Variants in RHOU observed in about 807,000 individuals in gnomAD.
RHOU encodes ras homolog family member U.
In RHOU, 8 loss-of-function variants were observed where a neutral mutation model predicts 12.6. That is an observed-to-expected ratio of 0.64 (90% confidence interval 0.37 to 1.15). RHOU has a LOEUF of 1.15. RHOU is among the 50% of genes most tolerant of loss of function. The pLI is 0.01. For synonymous variants in RHOU, 161 were observed against 147.4 expected, an observed-to-expected ratio of 1.09 and a Z score of -0.67; for missense variants, 258 against 347.0, an observed-to-expected ratio of 0.74 and a Z score of 2.04.
At chr1:228,683,492 A>G in the RHOU span, among the ~76,000 whole-genome samples, 1 of 152,222 alleles carries the variant, frequency 6.6e-6, no homozygotes, top group African/African-American at 2.4e-5. Context: ...TGATGTTGGA[A>G]CAACAAATTT....
chr1:228,680,041 C>T, the RHOU span, among the ~76,000 whole-genome samples: 3 of 152,212 alleles, frequency 2.0e-5, no homozygotes, highest in African/African-American at 7.2e-5. Flanking sequence ...GTTAAGAAGC[C>T]TGGCTGTCAT....
At chr1:228,678,886 G>A in the RHOU span, among the ~76,000 whole-genome samples, 4 of 152,070 alleles carry the variant, frequency 2.6e-5, no homozygotes, top group African/African-American at 7.2e-5. Context: ...GCCACCCCAC[G>A]CAGACATGAG....
intron 2 of RHOU, among the ~76,000 whole-genome samples, chr1:228,742,971 A>G (rs2102719154): frequency 6.6e-6 from 1 of 152,332 alleles, no homozygotes; most frequent in East Asian, 1.9e-4. Context: ...TTTTATTTCT[A>G]GAACCCACCT....
the RHOU span, among the ~76,000 whole-genome samples, chr1:228,723,102 TA>T: frequency 5.3e-4 from 80 of 152,320 alleles, no homozygotes; most frequent in African/African-American, 1.9e-3. Flanking sequence ...CAGCCTGAGT[TA>T]GATGATGCTA....
At chr1:228,647,782 G>A in the RHOU span, 1 of 152,382 alleles carries the variant, frequency 6.6e-6, no homozygotes, top group East Asian at 1.9e-4. Flanking sequence ...TGTGCTGCAG[G>A]TTAGCCCACA....
chr1:228,712,858 A>T, the RHOU span, among the ~76,000 whole-genome samples: 1 of 104,774 alleles, frequency 9.5e-6, no homozygotes, highest in Non-Finnish European at 1.8e-5. Flanking sequence ...AAAATAAAAT[A>T]AAATAAAATA....
At chr1:228,647,440 G>A in the RHOU span, among the ~76,000 whole-genome samples, 1 of 152,202 alleles carries the variant, frequency 6.6e-6, no homozygotes, top group Non-Finnish European at 1.5e-5. Context: ...CGGGGCAATA[G>A]GAATCCGGGT....
At chr1:228,647,348 T>G in the RHOU span, among the ~76,000 whole-genome samples, 425 of 152,278 alleles carry the variant, frequency 2.8e-3, 3 homozygotes, top group Middle Eastern at 0.024. Flanking sequence ...GCGCCCGCCC[T>G]TTTGGCGGGA....
chr1:228,687,691 T>C, the RHOU span: 1 of 1,483,584 alleles, frequency 6.7e-7, no homozygotes. Flanking sequence ...ACACATTACC[T>C]GAATAAGCAG....
At chr1:228,675,672 T>A in the RHOU span, among the ~76,000 whole-genome samples, 1 of 152,260 alleles carries the variant, frequency 6.6e-6, no homozygotes, top group Admixed American at 6.5e-5. Flanking sequence ...CAGATTTTTC[T>A]GTAATTTAAT....
At chr1:228,684,301 T>C in the RHOU span, among the ~76,000 whole-genome samples, 1 of 150,430 alleles carries the variant, frequency 6.6e-6, no homozygotes, top group South Asian at 2.1e-4. Flanking sequence ...CCTCCCACTG[T>C]GCTGAGATTA....
the RHOU span, among the ~76,000 whole-genome samples, chr1:228,693,934 T>C: frequency 6.6e-6 from 1 of 152,234 alleles, no homozygotes; most frequent in South Asian, 2.1e-4. Flanking sequence ...AGAACAAACT[T>C]TTCTATCAAA....
the RHOU span, among the ~76,000 whole-genome samples, chr1:228,708,921 G>A: frequency 6.6e-6 from 1 of 152,128 alleles, no homozygotes; most frequent in Non-Finnish European, 1.5e-5. Context: ...CCCATCTCAT[G>A]GGCAGAGACA....
chr1:228,675,347 C>A, the RHOU span, among the ~76,000 whole-genome samples: 119 of 151,636 alleles, frequency 7.8e-4, no homozygotes, highest in Middle Eastern at 3.4e-3. Flanking sequence ...GAACTATCTC[C>A]TCCTTCTTCT....
chr1:228,701,135 G>A, the RHOU span, among the ~76,000 whole-genome samples: 1 of 152,210 alleles, frequency 6.6e-6, no homozygotes, highest in African/African-American at 2.4e-5. Flanking sequence ...TTGTCTTTTG[G>A]ATGCTGTATG....
chr1:228,689,101 C>G, the RHOU span, among the ~76,000 whole-genome samples: 44 of 152,138 alleles, frequency 2.9e-4, no homozygotes, highest in Non-Finnish European at 4.4e-4. Context: ...CCCTCACTTC[C>G]GTCTCCCTCA....
Position 228,737,960 on chromosome 1 carries a change from G to C in RHOU, c.321+229G>C, listed in dbSNP as rs1257697447. On this transcript the variant is annotated intron_variant, in intron 2 of 2. Coordinates refer to ENST00000366691, the MANE Select transcript of RHOU (RefSeq NM_021205.6). This position sits in a 1 kb window ranked among gnomAD's most constrained non-coding sequence, Gnocchi z 4.1. ...ATAAAGCAGGGTTTGGCCCAGCTCTGCGTAACCAGGCAAGGGAGGAAGCAG... is the reference window on the plus strand; with the variant it reads ...ATAAAGCAGGGTTTGGCCCAGCTCTCCGTAACCAGGCAAGGGAGGAAGCAG... 6.6e-6 allele frequency among the ~76,000 whole-genome samples: 1 copy of C among 152,164 alleles called. No individual in the cohort carries two copies.
At chr1:228,722,737 C>A in the RHOU span, among the ~76,000 whole-genome samples, 1 of 152,120 alleles carries the variant, frequency 6.6e-6, no homozygotes, top group African/African-American at 2.4e-5. Flanking sequence ...ATTCTCCTGC[C>A]TCAGCCTACC....
the RHOU span, among the ~76,000 whole-genome samples, chr1:228,723,992 T>C: frequency 6.6e-6 from 1 of 152,208 alleles, no homozygotes; most frequent in African/African-American, 2.4e-5. Context: ...TCAAAGTCTT[T>C]GCTCAAATAT....
Sources: gnomAD v4.1 joint callset for allele counts (sites outside exome capture counted in the v4.1 genomes callset) on GRCh38, gnomAD v4.1.1 for gene constraint, Gnocchi (gnomAD v3.1) non-coding constraint, MANE v1.5 for transcripts, NCBI Gene and HGNC (gene_info 2026-07-23, HGNC 2026-07-21) for gene names.